The following TMEM123 variants were observed in gnomAD, a reference collection of about 807,000 sequenced individuals.
TMEM123 encodes transmembrane protein 123, also known as porimin.
A neutral mutation model predicts 19.7 loss-of-function variants in TMEM123; 16 were observed. That is an observed-to-expected ratio of 0.81 (90% CI 0.55 to 1.23). The LOEUF (loss-of-function observed/expected upper bound fraction) is 1.23, where lower values mean the gene tolerates loss of function less well. TMEM123 is among the 50% of genes most tolerant of loss of function. The pLI is 0.00. For synonymous variants in TMEM123, 118 were observed against 99.4 expected (o/e 1.19, Z -1.12); for missense variants, 313 against 257.8 (o/e 1.21, Z -1.47).
At chr11:102,445,090 T>C (rs900545374) in intron 2 of TMEM123, among the ~76,000 whole-genome samples, 8 of 151,496 alleles carry the variant, frequency 5.3e-5, no homozygotes, top group Non-Finnish European at 8.8e-5. Flanking sequence ...TTAATGGGTG[T>C]AGCACACCAA....
chr11:102,400,780 TG>T (rs1951906081), intron 4 of TMEM123, among the ~76,000 whole-genome samples: 1 of 152,218 alleles, frequency 6.6e-6, no homozygotes, highest in African/African-American at 2.4e-5. Context: ...TCAACCATGG[TG>T]GCACCCTGAT....
At chr11:102,413,162 C>A (rs982101190) in intron 2 of TMEM123, among the ~76,000 whole-genome samples, 2 of 152,158 alleles carry the variant, frequency 1.3e-5, no homozygotes, top group Admixed American at 1.3e-4. Flanking sequence ...CTTCCAGCAA[C>A]TCATACAAAT....
intron 2 of TMEM123, among the ~76,000 whole-genome samples, chr11:102,433,733 C>A (rs549894164): frequency 6.6e-6 from 1 of 151,912 alleles, no homozygotes; most frequent in East Asian, 1.9e-4. Context: ...CCCCAAGTGT[C>A]ATGGCAGCGA....
At chr11:102,423,011 C>G (rs1565351425) in intron 2 of TMEM123, among the ~76,000 whole-genome samples, 1 of 152,294 alleles carries the variant, frequency 6.6e-6, no homozygotes, top group East Asian at 1.9e-4. Flanking sequence ...CCAACACCTA[C>G]TGACTCGACA....
At chr11:102,437,457 CA>C (rs370797533) in intron 2 of TMEM123, among the ~76,000 whole-genome samples, 18 of 141,920 alleles carry the variant, frequency 1.3e-4, no homozygotes, top group African/African-American at 2.9e-4. Context: ...GACTCTATCT[CA>C]AAAAAAAAAA....
chr11:102,443,370 A>G (rs1857847264), intron 2 of TMEM123, among the ~76,000 whole-genome samples: 1 of 152,216 alleles, frequency 6.6e-6, no homozygotes, highest in African/African-American at 2.4e-5. Flanking sequence ...GGAACAGAAC[A>G]GAGCCCTCAG....
In TMEM123 at chr11:102,398,095, ATTAT is replaced by A. The variant is rs1188235331; in HGVS notation, c.*768_*771del. 6.6e-6 allele frequency: 1 copy of A among 152,468 alleles called. No homozygotes were observed. The highest frequency in any genetic ancestry group is 2.4e-5 in the African/African-American group (1 of 41,456). 9.4% of individuals were successfully genotyped at this position (152,468 alleles called of 1,614,324 possible). On this transcript the variant is annotated 3_prime_UTR_variant, in exon 5 of 5. Coordinates refer to ENST00000398136, the MANE Select transcript of TMEM123 (RefSeq NM_052932.3). ...GAGGTTTTTTCCCTATAATGCCAGG[ATTAT>A]TTAATACTGACAACTAAGTCTTTAA...
At chr11:102,441,073 A>G (rs1341739589) in intron 2 of TMEM123, among the ~76,000 whole-genome samples, 1 of 152,342 alleles carries the variant, frequency 6.6e-6, no homozygotes, top group Admixed American at 6.5e-5. Context: ...AAAGAGACTC[A>G]GACTCCCACA....
chr11:102,398,504 ACTT>A lies in TMEM123; in HGVS notation c.*360_*362del, dbSNP rs145136953. Reference sequence around the variant, plus strand: ...CCCAAAATCCTGAGTGCTGTGACAAACTTCTTATTTGTATGCCCAGATGGCATT... The same window carrying A: ...CCCAAAATCCTGAGTGCTGTGACAAACTTATTTGTATGCCCAGATGGCATT... On this transcript the variant is annotated 3_prime_UTR_variant, in exon 5 of 5. Transcript: ENST00000398136. 2,861 of 413,976 alleles carry A rather than the reference ACTT, an allele frequency of 6.9e-3. 7 individuals are homozygous for A. Among genetic ancestry groups the A allele is most frequent in the Non-Finnish European group, 9.3e-3 (2,195 of 236,760 alleles). The allele number at this position is 413,976 out of a possible 1,614,324, so 25.6% of individuals were successfully genotyped here.
At chr11:102,410,866 ACCT>A (rs767988038) in intron 2 of TMEM123, among the ~76,000 whole-genome samples, 6 of 151,780 alleles carry the variant, frequency 4.0e-5, no homozygotes, top group Non-Finnish European at 8.8e-5. Context: ...TTTGATTTTC[ACCT>A]CCTCCTCAGG....
intron 2 of TMEM123, among the ~76,000 whole-genome samples, chr11:102,402,506 ATC>A (rs1172386223): frequency 6.6e-6 from 1 of 152,096 alleles, no homozygotes; most frequent in Non-Finnish European, 1.5e-5. Flanking sequence ...TGTCTTAATC[ATC>A]TCTGTCTGAA....
At chr11:102,408,250 A>G (rs140057913) in intron 2 of TMEM123, among the ~76,000 whole-genome samples, 25 of 152,352 alleles carry the variant, frequency 1.6e-4, no homozygotes, top group African/African-American at 5.3e-4. Context: ...AAAGACGACA[A>G]AGAATGCACA....
At chr11:102,403,706 T>C (rs187249775) in intron 2 of TMEM123, among the ~76,000 whole-genome samples, 163 of 152,300 alleles carry the variant, frequency 1.1e-3, no homozygotes, top group Non-Finnish European at 1.4e-3. Flanking sequence ...AGGTGGGGCC[T>C]AGTGGGAGTT....
chr11:102,448,232 G>A (rs893203754), intron 2 of TMEM123: 4 of 456,024 alleles, frequency 8.8e-6, no homozygotes, highest in East Asian at 1.4e-4. Context: ...TACAAGAAAC[G>A]TACCTTGATG....
intron 2 of TMEM123, among the ~76,000 whole-genome samples, chr11:102,406,930 C>T (rs1388549675): frequency 6.6e-6 from 1 of 151,284 alleles, no homozygotes; most frequent in East Asian, 1.9e-4. Flanking sequence ...GGGAGGTCAC[C>T]AGTAGGGGGT....
intron 2 of TMEM123, among the ~76,000 whole-genome samples, chr11:102,427,264 T>C (rs182082429): frequency 9.5e-4 from 144 of 152,068 alleles, no homozygotes; most frequent in Middle Eastern, 3.4e-3. Context: ...CACACTTACA[T>C]GAACTCGATC....
chr11:102,417,301 C>T (rs1476800408), intron 2 of TMEM123, among the ~76,000 whole-genome samples: 1 of 152,152 alleles, frequency 6.6e-6, no homozygotes, highest in East Asian at 1.9e-4. Context: ...AGCAAAGTTT[C>T]GGGATGCAAA....
At chr11:102,412,561 GA>G (rs2135848224) in intron 2 of TMEM123, among the ~76,000 whole-genome samples, 1 of 151,840 alleles carries the variant, frequency 6.6e-6, no homozygotes, top group African/African-American at 2.4e-5. Flanking sequence ...TAAGAGTAAA[GA>G]AAAGAAATTT....
chr11:102,401,836 T>C, intron 3 of TMEM123, 80 bp downstream of exon 3: 1 of 1,535,316 alleles, frequency 6.5e-7, no homozygotes, highest in Non-Finnish European at 8.8e-7. Flanking sequence ...TATATTATTT[T>C]TGCCAGACAG....
Sources: allele counts gnomAD v4.1 joint callset (sites outside exome capture counted in the v4.1 genomes callset), GRCh38; gene constraint gnomAD v4.1.1; transcripts MANE v1.5; gene names NCBI Gene and HGNC (gene_info 2026-07-23, HGNC 2026-07-21).